Variants in C1S observed in about 807,000 individuals in gnomAD.
The protein encoded by C1S is complement C1s subcomponent.
C1S carries 31 observed loss-of-function variants against 54.0 expected under a neutral mutation model. The observed-to-expected ratio is 0.57, with a 90% CI of 0.43 to 0.78. The LOEUF is 0.78. Among genes scored for constraint, C1S ranks in the 30% least tolerant of loss-of-function variants. C1S has a pLI of 0.00. For synonymous variants in C1S, 292 were observed against 303.6 expected, an observed-to-expected ratio of 0.96 and a Z score of 0.40; for missense variants, 727 against 851.8, an observed-to-expected ratio of 0.85 and a Z score of 1.82.
chr12:7,065,670 T>C, intron 6 of C1S, 147 bp from the exon 7 acceptor site: 1 of 760,816 alleles, frequency 1.3e-6, no homozygotes, highest in Non-Finnish European at 2.2e-6. Flanking sequence ...GCACTCAGCC[T>C]GAAGATAAAA....
rs147971272 is a variant in C1S, at chr12:7,065,832, C to G, written c.733C>G (p.Arg245Gly). The G allele has an allele frequency of 1.2e-6, 2 of 1,612,574 alleles. No individual in the cohort carries two copies. Among genetic ancestry groups the G allele is most frequent in the Admixed American group, 1.7e-5 (1 of 59,978 alleles). ...LDSLVFVAGDRQFGPYCGHGF... is the reference protein window; with the variant it reads ...LDSLVFVAGDGQFGPYCGHGF... ...TTTTGTTCAGTTTGTTGCAGGAGAT[C>G]GGCAATTTGGTCCTTACTGTGGTCA... The change falls in exon 7 of 12, where the codon CGG becomes GGG. Residue 245 changes from arginine to glycine, a missense_variant. This residue lies in a region of C1S where 357 missense variants were observed against 365.4 expected (regional missense o/e 0.98). Transcript: ENST00000360817.
intron 6 of C1S, chr12:7,065,524 A>T: frequency 1.6e-6 from 1 of 626,770 alleles, no homozygotes; most frequent in Non-Finnish European, 2.8e-6. Context: ...CCCAGCTAAT[A>T]TTTTTATTGT....
At chr12:7,065,767 A>T in intron 6 of C1S, 50 bp from the exon 7 acceptor site, 1 of 1,534,466 alleles carries the variant, frequency 6.5e-7, no homozygotes, top group Non-Finnish European at 9.0e-7. Context: ...TCCCAATTTT[A>T]CCTCTTCCCT....
chr12:7,062,107 TAAAAA>T (rs376183132), intron 2 of C1S, 190 bp downstream of exon 2: 1 of 439,174 alleles, frequency 2.3e-6, no homozygotes, highest in African/African-American at 2.1e-5. Context: ...CTGTCTCTAT[TAAAAA>T]AAAAAAAAAT....
Position 7,069,866 on chromosome 12 carries a change from C to T in C1S, c.1282C>T (p.Pro428Ser), listed in dbSNP as rs1555162888. The T allele has an allele frequency of 6.2e-7, 1 of 1,613,906 alleles. No homozygotes were observed. The highest frequency in any genetic ancestry group is 8.5e-7 in the Non-Finnish European group (1 of 1,179,808). Reference sequence around the variant, plus strand: ...TTATTCCTTCCTAGTCTGTGGAGTCCCCAGAGAACCCTTTGAAGAAAAACA... The same window carrying T: ...TTATTCCTTCCTAGTCTGTGGAGTCTCCAGAGAACCCTTTGAAGAAAAACA... ...LPKCVPVCGV[P>S]REPFEEKQRI... is the part of the protein sequence containing the mutation. Residue 428 changes from proline to serine, a missense_variant, in exon 12 of 12, where the codon CCC (proline) becomes TCC (serine). Pro to Ser is a moderately conservative substitution (Grantham distance 74). Transcript: ENST00000360817.
At chr12:7,062,326 C>G in intron 2 of C1S, 149 bp from the exon 3 acceptor site, 1 of 700,026 alleles carries the variant, frequency 1.4e-6, no homozygotes, top group Non-Finnish European at 2.6e-6. Flanking sequence ...TTGACCTGGG[C>G]CTTTTCTTTA....
intron 4 of C1S, chr12:7,063,779 C>G (rs1947131607): frequency 1.4e-5 from 5 of 354,900 alleles, no homozygotes; most frequent in Non-Finnish European, 2.8e-5. Flanking sequence ...AATCCCAGCA[C>G]TTTGGGAGGC....
chr12:7,064,428 G>A (rs1555161788), intron 5 of C1S, 36 bp downstream of exon 5: 1 of 1,613,584 alleles, frequency 6.2e-7, no homozygotes, highest in East Asian at 2.2e-5. Context: ...ATGTTCCCTG[G>A]GATTTGGAAT....
chr12:7,062,500 G>T lies in C1S; in HGVS notation c.31G>T (p.Ala11Ser), dbSNP rs375886488. The T allele has an allele frequency of 7.7e-5, 125 of 1,613,290 alleles. No individual in the cohort carries two copies. In the African/African-American group the frequency reaches 1.1e-3, roughly 14 times the overall value. Residue 11 changes from alanine to serine, a missense_variant, in exon 3 of 12, where the codon GCA becomes TCA. Physicochemically the swap from Ala to Ser is moderately conservative, Grantham distance 99. Around this residue, in one of 3 missense-constraint regions of C1S, gnomAD observed 357 missense variants for 365.4 expected, o/e 0.98. Transcript: ENST00000360817. ...GTGCATTGTCCTGTTTTCACTTTTG[G>T]CATGGGTTTATGCTGAGCCTACCAT... MWCIVLFSLL[A>S]WVYAEPTMYG...
chr12:7,067,226 G>A, intron 9 of C1S, 109 bp downstream of exon 9: 1 of 865,932 alleles, frequency 1.2e-6, no homozygotes, highest in South Asian at 1.4e-5. Flanking sequence ...GTGAGGGAGT[G>A]GGTTGGGTTT....
intron 4 of C1S, chr12:7,063,985 G>A: frequency 2.0e-6 from 1 of 511,254 alleles, no homozygotes; most frequent in Non-Finnish European, 3.8e-6. Flanking sequence ...AGTGAGCCAA[G>A]ATCCCACCAC....
At chr12:7,064,115 A>G in intron 4 of C1S, 152 bp from the exon 5 acceptor site, 1 of 824,004 alleles carries the variant, frequency 1.2e-6, no homozygotes, top group Non-Finnish European at 2.1e-6. Flanking sequence ...GGAGAGTAAT[A>G]TGGAATAATA....
In C1S at chr12:7,070,413, A is replaced by G. The variant is rs781913096; in HGVS notation, c.1829A>G (p.Tyr610Cys). 1.9e-6 allele frequency: 3 copies of G among 1,614,256 alleles called. No individual in the cohort carries two copies. The highest frequency in any genetic ancestry group is 2.5e-6 in the Non-Finnish European group (3 of 1,180,036). The change falls in exon 12 of 12, where the codon TAT (tyrosine) becomes TGT (cysteine). Residue 610 changes from tyrosine (Y) to cysteine (C), a missense_variant. Tyr to Cys is a radical substitution (Grantham distance 194). Coordinates refer to ENST00000360817, the MANE Select transcript of C1S (RefSeq NM_001734.5). This position sits in a 1 kb window ranked among gnomAD's most constrained non-coding sequence, Gnocchi z 4.9. ...VEKPTADAEA[Y>C]VFTPNMICAG... ...AAACCCACAGCAGATGCAGAGGCCT[A>G]TGTTTTCACTCCTAACATGATCTGT...
rs1947114239 is a variant in C1S at position 7,062,697 on chromosome 12, C to T, written c.213+15C>T. 6.2e-7 allele frequency: 1 copy of T among 1,609,306 alleles called. No homozygotes were observed. The highest frequency in any genetic ancestry group is 8.5e-7 in the Non-Finnish European group (1 of 1,176,904). On this transcript the variant is annotated intron_variant, in intron 3 of 11. Transcript: ENST00000360817. ...ACTCAGTGCAGGTATGTTATAAGCACAAAAAGAATAGAGATGGAAGACTAG... is the reference window on the plus strand; with the variant it reads ...ACTCAGTGCAGGTATGTTATAAGCATAAAAAGAATAGAGATGGAAGACTAG...
intron 4 of C1S, chr12:7,063,307 C>A (rs1555161586): frequency 3.6e-6 from 2 of 555,848 alleles, no homozygotes; most frequent in Non-Finnish European, 6.6e-6. Flanking sequence ...TGTTGAGAGC[C>A]ACTATAAACT....
Position 7,067,107 on chromosome 12 carries a change from G to A in C1S, c.1056G>A (p.Leu352=), listed in dbSNP as rs1591579577. ...QSNGKWSNSK[L]KCQPVDCGIP... Reference sequence around the variant, plus strand: ...ATGGAAAGTGGAGTAATTCCAAACTGAAATGTCAACGTATGTGTCTCTTCA... The same window carrying A: ...ATGGAAAGTGGAGTAATTCCAAACTAAAATGTCAACGTATGTGTCTCTTCA... The change falls in exon 9 of 12, where the codon CTG becomes CTA. Residue 352 remains leucine (L), a synonymous_variant. Coordinates refer to ENST00000360817, the MANE Select transcript of C1S (RefSeq NM_001734.5). 1 of 1,600,400 alleles carries A rather than the reference G, an allele frequency of 6.2e-7. No homozygotes were observed. The highest frequency in any genetic ancestry group is 8.6e-7 in the Non-Finnish European group (1 of 1,167,502).
chr12:7,066,731 A>C (rs907266016), intron 8 of C1S, 98 bp downstream of exon 8: 46 of 783,158 alleles, frequency 5.9e-5, no homozygotes, highest in Non-Finnish European at 1.0e-4. Flanking sequence ...GTGTGTGATC[A>C]AGGTATAACA....
At chr12:7,069,086 C>A (rs1555162785) in intron 11 of C1S, among the ~76,000 whole-genome samples, 1 of 152,128 alleles carries the variant, frequency 6.6e-6, no homozygotes, top group Non-Finnish European at 1.5e-5. Flanking sequence ...TGTCATTGGT[C>A]TTATCTGACC....
Position 7,065,130 on chromosome 12 carries a change from T to G in C1S, c.548T>G (p.Leu183Arg). Residue 183 changes from leucine to arginine, a missense_variant, in exon 6 of 12, where the codon CTG becomes CGG. Physicochemically the swap from Leu to Arg is moderately radical, Grantham distance 102. Around this residue, in one of 3 missense-constraint regions of C1S, gnomAD observed 357 missense variants for 365.4 expected, o/e 0.98. Coordinates refer to ENST00000360817, the MANE Select transcript of C1S (RefSeq NM_001734.5). The stretch of plus-strand genomic sequence containing the variant: ...TGCAGTGGGGATGTATTCACTGCAC[T>G]GATTGGGGAGATTGCAAGTCCCAAT... ...VNCSGDVFTA[L>R]IGEIASPNYP... is the part of the protein sequence containing the mutation. The G allele has an allele frequency of 1.2e-6, 2 of 1,614,120 alleles. No homozygotes were observed. Among genetic ancestry groups the G allele is most frequent in the Non-Finnish European group, 1.7e-6 (2 of 1,179,978 alleles).
Sources: gnomAD v4.1 joint callset for allele counts (sites outside exome capture counted in the v4.1 genomes callset) on GRCh38, gnomAD v4.1.1 for gene constraint, gnomAD v4.1.1 regional missense constraint, Gnocchi (gnomAD v3.1) non-coding constraint, MANE v1.5 for transcripts, NCBI Gene and HGNC (gene_info 2026-07-23, HGNC 2026-07-21) for gene names.